IL4R: variants seen among roughly 807,000 people sequenced by gnomAD.
The protein encoded by IL4R is interleukin 4 receptor, also known as interleukin-4 receptor subunit alpha.
In IL4R, 17 loss-of-function variants were observed where a neutral mutation model predicts 41.5. The ratio of observed to expected loss-of-function variants is 0.41; its 90% CI spans 0.28 to 0.61. The LOEUF (loss-of-function observed/expected upper bound fraction) is 0.61, where lower values mean the gene tolerates loss of function less well. Among genes scored for constraint, IL4R ranks in the 20% least tolerant of loss-of-function variants. The probability of loss-of-function intolerance (pLI) is 0.31; values close to 1 mark genes in which losing one functional copy is unlikely to be tolerated. For synonymous variants in IL4R, 402 were observed against 422.9 expected (o/e 0.95, Z 0.61); for missense variants, 974 against 1,043.1 (o/e 0.93, Z 0.91).
chr16:27,316,854 A>G (rs981689556), intron 1 of IL4R, among the ~76,000 whole-genome samples: 1 of 152,198 alleles, frequency 6.6e-6, no homozygotes, highest in Non-Finnish European at 1.5e-5. Context: ...TGTCAAGCAT[A>G]CAAAACAGTA....
chr16:27,362,756 G>A lies in IL4R; in HGVS notation c.1404G>A (p.Glu468=), dbSNP rs200966772. The change falls in exon 11 of 11, where the codon GAG becomes GAA. Residue 468 remains glutamate (E), a synonymous_variant. Coordinates refer to ENST00000395762, the MANE Select transcript of IL4R (RefSeq NM_000418.4). ...GCAAGGAGCAGCCTCTCCACCTGGAGCCAAGTCCTCCTGCCAGCCCGACCC... is the reference window on the plus strand; with the variant it reads ...GCAAGGAGCAGCCTCTCCACCTGGAACCAAGTCCTCCTGCCAGCCCGACCC... The part of the protein sequence containing the change: ...PWGKEQPLHL[E]PSPPASPTQS... The A allele has an allele frequency of 6.1e-4, 982 of 1,613,974 alleles. 1 individual carries two copies. Among genetic ancestry groups the A allele is most frequent in the Non-Finnish European group, 7.8e-4 (919 of 1,180,026 alleles).
chr16:27,359,649 G>T (rs980277901), intron 9 of IL4R, among the ~76,000 whole-genome samples: 35 of 152,314 alleles, frequency 2.3e-4, no homozygotes, highest in African/African-American at 6.7e-4. Context: ...GCCACTCACT[G>T]GCAGTGTGGA....
chr16:27,336,412 C>T (rs1286443417), intron 2 of IL4R, among the ~76,000 whole-genome samples: 1 of 151,926 alleles, frequency 6.6e-6, no homozygotes, highest in African/African-American at 2.4e-5. Flanking sequence ...TACAGTGGCT[C>T]ACGCCTGTAA....
chr16:27,349,864 C>T (rs2085801586), intron 6 of IL4R, among the ~76,000 whole-genome samples: 1 of 152,200 alleles, frequency 6.6e-6, no homozygotes, highest in South Asian at 2.1e-4. Context: ...ATTCTCCCAC[C>T]TCTGCCTCCC....
chr16:27,315,415 C>T (rs1450127910), intron 1 of IL4R: 6 of 152,358 alleles, frequency 3.9e-5, no homozygotes, highest in Non-Finnish European at 8.8e-5. Flanking sequence ...TGGTGCTTGC[C>T]TCAAGGAGCA....
chr16:27,355,513 G>A (rs1009743429), intron 7 of IL4R: 9 of 378,686 alleles, frequency 2.4e-5, no homozygotes, highest in South Asian at 4.9e-5. Context: ...GGAGCCATCC[G>A]GCTCCTAAGT....
At chr16:27,344,813 T>C in intron 4 of IL4R, 56 bp from the exon 5 acceptor site, 1 of 1,579,766 alleles carries the variant, frequency 6.3e-7, no homozygotes, top group South Asian at 1.1e-5. Flanking sequence ...CGGACACAGC[T>C]GTGGGGCCCA....
In IL4R at chr16:27,345,236, C is replaced by T. The variant is rs1337953398; in HGVS notation, c.361+216C>T. On this transcript the variant is annotated intron_variant, in intron 5 of 10. Coordinates refer to ENST00000395762, the MANE Select transcript of IL4R (RefSeq NM_000418.4). The surrounding 1 kb of genome is among the most constrained non-coding windows in gnomAD (Gnocchi z 4.5). ...TCGCAGTAGACCACCAAGCCCCCTT[C>T]AGCCCAGCTGTTTCCACCCCTGAAC... The T allele has an allele frequency of 1.4e-6, 1 of 693,672 alleles. No homozygotes were observed. The highest frequency in any genetic ancestry group is 2.6e-6 in the Non-Finnish European group (1 of 382,560). The allele number at this position is 693,672 out of a possible 1,614,324, so 43.0% of individuals were successfully genotyped here. A position where few individuals can be genotyped will look rare whatever the true frequency, so the allele number is the denominator to read the frequency against.
intron 1 of IL4R, among the ~76,000 whole-genome samples, chr16:27,326,233 C>A (rs1032033627): frequency 2.0e-5 from 3 of 152,132 alleles, no homozygotes; most frequent in African/African-American, 7.2e-5. Flanking sequence ...CTGGCAACTT[C>A]TTCCTTGCTC....
chr16:27,314,049 G>T lies in IL4R; in HGVS notation c.-152+29G>T, dbSNP rs2084548639. The T allele has an allele frequency of 1.1e-5, 11 of 985,190 alleles. No homozygotes were observed. The South Asian group carries it at 5.2e-4, about 46-fold the overall frequency. 61.0% of individuals were successfully genotyped at this position (985,190 alleles called of 1,614,324 possible). On this transcript the variant is annotated intron_variant, in intron 1 of 10. Transcript: ENST00000395762. Reference sequence around the variant, plus strand: ...GGATCCGGGGCCCGCGCGCGGATCGGGTTGCGAAGGTATCGCCCGGGCACG... The same window carrying T: ...GGATCCGGGGCCCGCGCGCGGATCGTGTTGCGAAGGTATCGCCCGGGCACG...
Position 27,342,110 on chromosome 16 carries a change from TG to T in IL4R, c.71-10del, listed in dbSNP as rs1317328885. On this transcript the variant is annotated splice_polypyrimidine_tract_variant and intron_variant, in intron 3 of 10. Coordinates refer to ENST00000395762, the MANE Select transcript of IL4R (RefSeq NM_000418.4). ...TCCTGGGCCGCTCAGGCTGCTCCTG[TG>T]TCTCCCCAGGGAACATGAAGGTCTT... 1 of 1,613,548 alleles carries T rather than the reference TG, an allele frequency of 6.2e-7. No individual in the cohort carries two copies. Among genetic ancestry groups the T allele is most frequent in the Non-Finnish European group, 8.5e-7 (1 of 1,179,794 alleles).
intron 3 of IL4R, chr16:27,341,056 A>G (rs771022230): frequency 1.5e-6 from 1 of 659,000 alleles, no homozygotes; most frequent in South Asian, 1.5e-5. Context: ...CATATCATCC[A>G]TTATGTTCCA....
In IL4R at chr16:27,363,980, G is replaced by T; in HGVS notation, c.*150G>T. On this transcript the variant is annotated 3_prime_UTR_variant, in exon 11 of 11. Transcript: ENST00000395762. The stretch of plus-strand genomic sequence containing the variant: ...GAAGGTGATTGGCCCCACTGACGTT[G>T]GCCTAACACTGGGCTGCAGAGACTG... 1.1e-6 allele frequency: 1 copy of T among 918,878 alleles called. No individual in the cohort carries two copies. Among genetic ancestry groups the T allele is most frequent in the Non-Finnish European group, 1.6e-6 (1 of 609,726 alleles). 56.9% of individuals were successfully genotyped at this position (918,878 alleles called of 1,614,324 possible). A position where few individuals can be genotyped will look rare whatever the true frequency, so the allele number is the denominator to read the frequency against.
Position 27,363,539 on chromosome 16 carries a change from C to T in IL4R, c.2187C>T (p.Gly729=), listed in dbSNP as rs1466578477. Residue 729 remains glycine, a synonymous_variant, in exon 11 of 11, where the codon GGC becomes GGT. Coordinates refer to ENST00000395762, the MANE Select transcript of IL4R (RefSeq NM_000418.4). ...HLCGHLKQCH[G]QEDGGQTPVM... is the part of the protein sequence containing the mutation. Reference sequence around the variant, plus strand: ...GCGGCCACCTGAAACAGTGTCATGGCCAGGAGGATGGTGGCCAGACCCCTG... The same window carrying T: ...GCGGCCACCTGAAACAGTGTCATGGTCAGGAGGATGGTGGCCAGACCCCTG... 5.0e-6 allele frequency: 8 copies of T among 1,614,080 alleles called. No individual in the cohort carries two copies. Among genetic ancestry groups the T allele is most frequent in the African/African-American group, 2.7e-5 (2 of 74,928 alleles).
chr16:27,360,935 A>C (rs774139197), intron 10 of IL4R, 120 bp downstream of exon 10: 1 of 1,596,112 alleles, frequency 6.3e-7, no homozygotes, highest in East Asian at 2.2e-5. Context: ...GCCCTGTGAC[A>C]TTAGCCTTCA....
At chr16:27,327,595 C>T (rs1338386425) in intron 1 of IL4R, among the ~76,000 whole-genome samples, 1 of 152,046 alleles carries the variant, frequency 6.6e-6, no homozygotes, top group African/African-American at 2.4e-5. Context: ...GGGTCTCAGG[C>T]CAGTGGGGCT....
rs999091968 is a variant in IL4R, at chr16:27,352,680, C to T, written c.654C>T (p.Ser218=). 5 of 1,614,030 alleles carry T rather than the reference C, an allele frequency of 3.1e-6. No homozygotes were observed. The African/African-American group carries it at 6.7e-5, about 22-fold the overall frequency. ...CCACCTGGAGTGAGTGGAGCCCCAG[C>T]ACCAAGTGGCACAACTGTGAGTATC... is the stretch of plus-strand genomic sequence containing the variant. ...YNTTWSEWSP[S]TKWHNSYREP... Residue 218 remains serine, a synonymous_variant, in exon 7 of 11, where the codon AGC becomes AGT. Coordinates refer to ENST00000395762, the MANE Select transcript of IL4R (RefSeq NM_000418.4).
chr16:27,314,765 C>T (rs1307238700), intron 1 of IL4R, among the ~76,000 whole-genome samples: 3 of 152,274 alleles, frequency 2.0e-5, no homozygotes, highest in South Asian at 2.1e-4. Flanking sequence ...ACCAGAATCT[C>T]CGGGAGATTT....
rs1179727396 is a variant in IL4R at position 27,362,780 on chromosome 16, C to T, written c.1428C>T (p.Thr476=). 2 of 1,614,046 alleles carry T rather than the reference C, an allele frequency of 1.2e-6. No homozygotes were observed. Among genetic ancestry groups the T allele is most frequent in the Admixed American group, 1.7e-5 (1 of 60,016 alleles). ...HLEPSPPASP[T]QSPDNLTCTE... ...AGCCAAGTCCTCCTGCCAGCCCGACCCAGAGTCCAGACAACCTGACTTGCA... is the reference window on the plus strand; with the variant it reads ...AGCCAAGTCCTCCTGCCAGCCCGACTCAGAGTCCAGACAACCTGACTTGCA... The change falls in exon 11 of 11, where the codon ACC becomes ACT. Residue 476 remains threonine, a synonymous_variant. Transcript: ENST00000395762.
Sources: allele counts gnomAD v4.1 joint callset (sites outside exome capture counted in the v4.1 genomes callset), GRCh38; gene constraint gnomAD v4.1.1; non-coding constraint Gnocchi (gnomAD v3.1); transcripts MANE v1.5; gene names NCBI Gene and HGNC (gene_info 2026-07-23, HGNC 2026-07-21).